Variants in STXBP5L observed in about 807,000 individuals in gnomAD.
STXBP5L encodes the protein syntaxin-binding protein 5-like.
STXBP5L carries 65 observed loss-of-function variants against 144.5 expected under a neutral mutation model. The ratio of observed to expected loss-of-function variants is 0.45; its 90% confidence interval spans 0.37 to 0.55. The LOEUF is 0.55. Ranked by LOEUF, STXBP5L falls within the 20% of genes least tolerant of loss-of-function variation. The pLI is 0.00. For missense variants in STXBP5L, 1,298 were observed against 1,405.5 expected (o/e 0.92, Z 1.22); for synonymous variants, 505 against 469.6 (o/e 1.08, Z -0.97).
chr3:121,403,585 T>C (rs1056198498), intron 22 of STXBP5L, among the ~76,000 whole-genome samples: 5 of 152,152 alleles, frequency 3.3e-5, no homozygotes, highest in Admixed American at 6.6e-5. Context: ...GGCAATATAG[T>C]AGTGAATAAA....
At chr3:121,080,752 G>C (rs530154889) in intron 5 of STXBP5L, among the ~76,000 whole-genome samples, 3 of 152,248 alleles carry the variant, frequency 2.0e-5, no homozygotes, top group East Asian at 3.9e-4. Context: ...TGATGCTTTT[G>C]TCTCACAGCT....
chr3:120,978,826 C>G (rs1446814027), intron 3 of STXBP5L, among the ~76,000 whole-genome samples: 1 of 152,196 alleles, frequency 6.6e-6, no homozygotes, highest in Non-Finnish European at 1.5e-5. Context: ...CCCTGTTTGC[C>G]TCGGTATCAG....
chr3:121,370,091 C>T (rs191232733), intron 20 of STXBP5L, among the ~76,000 whole-genome samples: 15 of 152,204 alleles, frequency 9.9e-5, no homozygotes, highest in South Asian at 2.1e-4. Flanking sequence ...AGTGGCTAGG[C>T]GCAGTGGCTC....
intron 3 of STXBP5L, among the ~76,000 whole-genome samples, chr3:120,988,274 C>T (rs957640551): frequency 7.3e-5 from 11 of 151,716 alleles, no homozygotes; most frequent in Admixed American, 6.6e-4. Context: ...TCTCTCTGCA[C>T]TGCTTTAGCT....
At chr3:121,410,500 T>C (rs760524111) in intron 23 of STXBP5L, among the ~76,000 whole-genome samples, 12 of 152,050 alleles carry the variant, frequency 7.9e-5, no homozygotes, top group Non-Finnish European at 1.6e-4. Context: ...GCACCTGGCC[T>C]CATTCATTTT....
chr3:121,043,064 T>G (rs1007200077), intron 4 of STXBP5L, among the ~76,000 whole-genome samples: 1 of 152,018 alleles, frequency 6.6e-6, no homozygotes, highest in East Asian at 1.9e-4. Context: ...TTCCAGGTCC[T>G]AAGTTTGCCC....
chr3:121,074,140 A>T (rs1255462460), intron 5 of STXBP5L, among the ~76,000 whole-genome samples: 4 of 152,150 alleles, frequency 2.6e-5, no homozygotes, highest in Non-Finnish European at 5.9e-5. Context: ...GGGTTTTTGA[A>T]TCCTTGGGGG....
chr3:120,950,323 G>A (rs1711129205), intron 2 of STXBP5L, among the ~76,000 whole-genome samples: 1 of 151,976 alleles, frequency 6.6e-6, no homozygotes, highest in Non-Finnish European at 1.5e-5. Flanking sequence ...AAAATCAATG[G>A]ACTGAAAATG....
rs193126547 is a variant in STXBP5L at position 121,163,505 on chromosome 3, G to A, written c.877+5878G>A. Among the ~76,000 whole-genome samples, 372 of 151,562 alleles carry A rather than the reference G, an allele frequency of 2.5e-3. 2 individuals carry two copies. The highest frequency in any genetic ancestry group is 1.6e-3 in the Non-Finnish European group (106 of 67,898). On this transcript the variant is annotated intron_variant, in intron 9 of 26. Coordinates refer to ENST00000471454, the MANE Select transcript of STXBP5L (RefSeq NM_001308330.2). ...TTAAAACCTAGATGATGGGTTGATG[G>A]GTGCAGCAAACCACCATGGCACATG... is the stretch of plus-strand genomic sequence containing the variant.
At chr3:121,323,513 T>TG (rs1428876919) in intron 20 of STXBP5L, among the ~76,000 whole-genome samples, 1 of 152,160 alleles carries the variant, frequency 6.6e-6, no homozygotes, top group Non-Finnish European at 1.5e-5. Context: ...ATTGGGAGCT[T>TG]GAAGAATCCA....
rs548627395 is a variant in STXBP5L, at chr3:121,093,204, G to A, written c.471-21721G>A. Among the ~76,000 whole-genome samples, 92 of 152,276 alleles carry A rather than the reference G, an allele frequency of 6.0e-4. 1 individual carries two copies. The highest frequency in any genetic ancestry group is 2.3e-3 in the Admixed American group (35 of 15,296). ...TTTTATTGAGGATTTTTGCATCAAT[G>A]TTCATCAAGGACATTGGTCTAAAAT... is the stretch of plus-strand genomic sequence containing the variant. On this transcript the variant is annotated intron_variant, in intron 5 of 26. Coordinates refer to ENST00000471454, the MANE Select transcript of STXBP5L (RefSeq NM_001308330.2).
chr3:120,994,655 T>G (rs2107994662), intron 3 of STXBP5L, among the ~76,000 whole-genome samples: 1 of 152,300 alleles, frequency 6.6e-6, no homozygotes, highest in East Asian at 1.9e-4. Flanking sequence ...CTATATTATC[T>G]TTCTGATGTG....
At chr3:121,285,418 T>C (rs566902752) in intron 19 of STXBP5L, among the ~76,000 whole-genome samples, 35 of 152,174 alleles carry the variant, frequency 2.3e-4, no homozygotes, top group Admixed American at 4.6e-4. Flanking sequence ...TTCAGGAACA[T>C]TGGAAACCAA....
chr3:120,990,150 C>G (rs1350935268), intron 3 of STXBP5L, among the ~76,000 whole-genome samples: 1 of 152,140 alleles, frequency 6.6e-6, no homozygotes, highest in Non-Finnish European at 1.5e-5. Context: ...CACAGGCATT[C>G]TTATACACCA....
chr3:121,061,270 A>T (rs2041263957), intron 5 of STXBP5L, among the ~76,000 whole-genome samples: 1 of 152,112 alleles, frequency 6.6e-6, no homozygotes, highest in African/African-American at 2.4e-5. Context: ...GTTTCCATGC[A>T]GTTGTGTGGT....
intron 19 of STXBP5L, among the ~76,000 whole-genome samples, chr3:121,298,703 A>G (rs1335731989): frequency 1.3e-5 from 2 of 152,210 alleles, no homozygotes; most frequent in African/African-American, 4.8e-5. Context: ...GTATATCTAA[A>G]ATAGTCAAAC....
chr3:121,097,097 G>T (rs1474291772), intron 5 of STXBP5L, among the ~76,000 whole-genome samples: 3 of 152,198 alleles, frequency 2.0e-5, no homozygotes, highest in African/African-American at 7.2e-5. Context: ...GCTCTGCCCA[G>T]TTCAAACTTC....
chr3:120,918,941 A>G (rs998405177), intron 2 of STXBP5L, among the ~76,000 whole-genome samples: 3 of 152,184 alleles, frequency 2.0e-5, no homozygotes, highest in Non-Finnish European at 4.4e-5. Flanking sequence ...GTGTACCACA[A>G]GATGCCAAAT....
At chr3:121,190,899 A>G (rs978998378) in intron 9 of STXBP5L, among the ~76,000 whole-genome samples, 11 of 150,692 alleles carry the variant, frequency 7.3e-5, no homozygotes, top group Non-Finnish European at 1.5e-4. Context: ...CAGTTCCCAG[A>G]CGGGGTCACG....
Sources: allele counts gnomAD v4.1 joint callset (sites outside exome capture counted in the v4.1 genomes callset), GRCh38; gene constraint gnomAD v4.1.1; transcripts MANE v1.5; gene names NCBI Gene and HGNC (gene_info 2026-07-23, HGNC 2026-07-21).